The following PGPEP1L variants were observed in gnomAD, a reference collection of about 807,000 sequenced individuals.
PGPEP1L encodes pyroglutamyl-peptidase 1-like protein.
Under a neutral mutation model 6.0 loss-of-function variants are expected in PGPEP1L, and 7 were observed. The ratio of observed to expected loss-of-function variants is 1.17; its 90% CI spans 0.66 to 2.19. PGPEP1L has a LOEUF of 2.19. Ranked by LOEUF, PGPEP1L falls within the 30% of genes most tolerant of loss-of-function variation. The pLI is 0.00. For missense variants in PGPEP1L, 209 were observed against 192.5 expected (o/e 1.09, Z -0.51); for synonymous variants, 103 against 83.9 (o/e 1.23, Z -1.24).
intron 2 of PGPEP1L, among the ~76,000 whole-genome samples, chr15:98,984,305 C>T (rs1009757262): frequency 8.5e-5 from 13 of 152,114 alleles, no homozygotes; most frequent in African/African-American, 2.2e-4. Context: ...CCACCGTGCT[C>T]GGCCTGGAGT....
chr15:98,976,754 A>C (rs2017575868), intron 2 of PGPEP1L, among the ~76,000 whole-genome samples: 1 of 152,210 alleles, frequency 6.6e-6, no homozygotes, highest in African/African-American at 2.4e-5. Context: ...GCTCATGAGT[A>C]GATTATGTTT....
chr15:99,001,559 C>CAT (rs2017970432), intron 2 of PGPEP1L, among the ~76,000 whole-genome samples: 1 of 152,166 alleles, frequency 6.6e-6, no homozygotes, highest in Non-Finnish European at 1.5e-5. Context: ...AATGGTATAG[C>CAT]ATGTGGATTA....
At chr15:98,991,381 A>C (rs145679493) in intron 2 of PGPEP1L, among the ~76,000 whole-genome samples, 1 of 152,168 alleles carries the variant, frequency 6.6e-6, no homozygotes, top group East Asian at 1.9e-4. Context: ...ATCCCTGGAC[A>C]CATACACCCT....
rs139577509 is a variant in PGPEP1L, at chr15:98,971,438, G to A, written c.-141-280C>T. ...GAACCTGGGAGGTGGAGGTTGCAGTGAGCCGAAATAGTACCACTGCGCTCC... is the reference window on the plus strand; with the variant it reads ...GAACCTGGGAGGTGGAGGTTGCAGTAAGCCGAAATAGTACCACTGCGCTCC... On this transcript the variant is annotated intron_variant, in intron 2 of 4. Coordinates refer to ENST00000535714, the MANE Select transcript of PGPEP1L (RefSeq NM_001167902.2). 4.8e-3 allele frequency among the ~76,000 whole-genome samples: 731 copies of A among 152,222 alleles called. 12 individuals are homozygous for A. Among genetic ancestry groups the A allele is most frequent in the African/African-American group, 0.015 (631 of 41,512 alleles).
rs548199979 is a variant in PGPEP1L, at chr15:98,978,816, G to A, written c.-141-7658C>T. 1.3e-4 allele frequency among the ~76,000 whole-genome samples: 19 copies of A among 143,254 alleles called. No homozygotes were observed. In the East Asian group the frequency reaches 1.6e-3, roughly 12 times the overall value. 94.0% of individuals were successfully genotyped at this position (143,254 alleles called of 152,430 possible). ...ATGATCTCGGCTCACCGCAACCTCC[G>A]CCTCCCGGGTTCAAGCAATTCTCCT... On this transcript the variant is annotated intron_variant, in intron 2 of 4. Transcript: ENST00000535714.
At chr15:99,004,702 A>G (rs1399601078) in intron 2 of PGPEP1L, among the ~76,000 whole-genome samples, 4 of 152,126 alleles carry the variant, frequency 2.6e-5, no homozygotes, top group African/African-American at 9.7e-5. Flanking sequence ...TAGCGACAGA[A>G]CAAGACTCTG....
At chr15:98,975,846 A>G (rs895953572) in intron 2 of PGPEP1L, among the ~76,000 whole-genome samples, 16 of 152,190 alleles carry the variant, frequency 1.1e-4, no homozygotes, top group African/African-American at 3.9e-4. Flanking sequence ...ACGCTACTGC[A>G]CTCCAGCTTG....
intron 2 of PGPEP1L, among the ~76,000 whole-genome samples, chr15:98,974,618 CGG>C (rs539361221): frequency 1.4e-4 from 21 of 151,744 alleles, no homozygotes; most frequent in Non-Finnish European, 2.4e-4. Flanking sequence ...AATGAGGGGC[CGG>C]GCGCGGTGGC....
At chr15:98,996,430 T>C (rs1452493923) in intron 2 of PGPEP1L, among the ~76,000 whole-genome samples, 2 of 152,158 alleles carry the variant, frequency 1.3e-5, no homozygotes, top group African/African-American at 2.4e-5. Context: ...CACCTGTGTA[T>C]GTGTGCTAAC....
Position 98,987,739 on chromosome 15 carries a change from G to A in PGPEP1L, c.-141-16581C>T, listed in dbSNP as rs192082445. Among the ~76,000 whole-genome samples, 385 of 152,294 alleles carry A rather than the reference G, an allele frequency of 2.5e-3. 1 individual carries two copies. Among genetic ancestry groups the A allele is most frequent in the African/African-American group, 8.5e-3 (353 of 41,562 alleles). On this transcript the variant is annotated intron_variant, in intron 2 of 4. Transcript: ENST00000535714. ...AGCTCCAGTCTGCAGCTCCCAGCAA[G>A]ATCAACCAGAAGGCAGGTGATTTCT...
chr15:98,982,375 C>T (rs1382428033), intron 2 of PGPEP1L, among the ~76,000 whole-genome samples: 2 of 151,580 alleles, frequency 1.3e-5, no homozygotes, highest in Non-Finnish European at 2.9e-5. Flanking sequence ...TGTGTCATTT[C>T]GAAGTGAGAA....
At chr15:98,984,563 G>A (rs866556979) in intron 2 of PGPEP1L, among the ~76,000 whole-genome samples, 8 of 152,036 alleles carry the variant, frequency 5.3e-5, no homozygotes, top group Non-Finnish European at 1.0e-4. Flanking sequence ...TTCTATATCC[G>A]TGTAATGGGT....
At chr15:99,003,306 A>T (rs2018001798) in intron 2 of PGPEP1L, among the ~76,000 whole-genome samples, 1 of 151,624 alleles carries the variant, frequency 6.6e-6, no homozygotes, top group Non-Finnish European at 1.5e-5. Flanking sequence ...CTTTAGAATC[A>T]TATTTGTATC....
intron 2 of PGPEP1L, among the ~76,000 whole-genome samples, chr15:98,978,061 CA>C (rs2017595290): frequency 6.6e-6 from 1 of 152,198 alleles, no homozygotes; most frequent in Admixed American, 6.5e-5. Context: ...GGCTGCTGCC[CA>C]AAAGGCATCT....
chr15:99,004,923 C>T (rs2018027369), intron 2 of PGPEP1L, among the ~76,000 whole-genome samples: 1 of 151,308 alleles, frequency 6.6e-6, no homozygotes, highest in Non-Finnish European at 1.5e-5. Flanking sequence ...CTTCACAGCT[C>T]CCTGAAAAAT....
At chr15:98,970,692 C>T (rs2017481040) in intron 3 of PGPEP1L, among the ~76,000 whole-genome samples, 1 of 152,210 alleles carries the variant, frequency 6.6e-6, no homozygotes, top group Admixed American at 6.5e-5. Context: ...GCCTCACGTC[C>T]ACCTTCAAAC....
intron 2 of PGPEP1L, among the ~76,000 whole-genome samples, chr15:99,000,670 T>C (rs57599849): frequency 0.056 from 8,537 of 152,172 alleles, 348 homozygotes; most frequent in African/African-American, 0.11. Context: ...ACACTCTGTA[T>C]CTAACTAATC....
chr15:99,000,818 G>A (rs924459076), intron 2 of PGPEP1L, among the ~76,000 whole-genome samples: 5 of 152,110 alleles, frequency 3.3e-5, no homozygotes, highest in Non-Finnish European at 5.9e-5. Flanking sequence ...AAAAAAAGCA[G>A]GCTGCGGGAG....
chr15:99,001,007 G>T (rs1460372672), intron 2 of PGPEP1L, among the ~76,000 whole-genome samples: 1 of 151,648 alleles, frequency 6.6e-6, no homozygotes, highest in Non-Finnish European at 1.5e-5. Context: ...AACCCACTGG[G>T]AGGAATGAAC....
Sources: allele counts gnomAD v4.1 joint callset (sites outside exome capture counted in the v4.1 genomes callset), GRCh38; gene constraint gnomAD v4.1.1; transcripts MANE v1.5; gene names NCBI Gene and HGNC (gene_info 2026-07-23, HGNC 2026-07-21).